Variants in WASF2 observed in about 807,000 individuals in gnomAD.
The protein encoded by WASF2 is WASP family member 2, also known as actin-binding protein WASF2.
A neutral mutation model predicts 45.0 loss-of-function variants in WASF2; 14 were observed. The ratio of observed to expected loss-of-function variants is 0.31; its 90% CI spans 0.21 to 0.49. WASF2 has a LOEUF of 0.49. WASF2 is among the 20% of genes least tolerant of loss of function. The pLI, the probability that WASF2 is intolerant of heterozygous loss-of-function variation, is 0.99. For missense variants in WASF2, 439 were observed against 636.1 expected, an observed-to-expected ratio of 0.69 and a Z score of 3.33; for synonymous variants, 200 against 236.3, an observed-to-expected ratio of 0.85 and a Z score of 1.41.
chr1:27,437,606 CA>C (rs1389022270), intron 1 of WASF2, among the ~76,000 whole-genome samples: 4 of 152,164 alleles, frequency 2.6e-5, no homozygotes, highest in African/African-American at 7.2e-5. Flanking sequence ...CAGTTACAGA[CA>C]AAGTTCATTT....
At chr1:27,483,804 T>C (rs2017886714) in intron 1 of WASF2, among the ~76,000 whole-genome samples, 1 of 151,544 alleles carries the variant, frequency 6.6e-6, no homozygotes, top group East Asian at 1.9e-4. Flanking sequence ...ATTTAACAAA[T>C]TGGGTGGGCA....
At chr1:27,409,613 C>T (rs1166715261) in intron 8 of WASF2, 79 bp downstream of exon 8, 1 of 1,387,600 alleles carries the variant, frequency 7.2e-7, no homozygotes, top group African/African-American at 1.5e-5. Flanking sequence ...ACAGGGACCC[C>T]CTCACCCATC....
chr1:27,409,659 C>G (rs368807040), intron 8 of WASF2, 33 bp downstream of exon 8: 4 of 1,431,424 alleles, frequency 2.8e-6, no homozygotes, highest in Non-Finnish European at 2.8e-6. Context: ...AAAGACAAGG[C>G]TCCACAGTCC....
chr1:27,448,120 A>G lies in WASF2; in HGVS notation c.-43-19187T>C, dbSNP rs940407476. 1.8e-4 allele frequency among the ~76,000 whole-genome samples: 27 copies of G among 152,350 alleles called. 1 individual carries two copies. In the Middle Eastern group the frequency reaches 0.01, roughly 58 times the overall value. ...CTGACCTCTTGGCAGCAAATGTAAG[A>G]AAGTCCTTTTTTGAGCCTTAGGGGC... On this transcript the variant is annotated intron_variant, in intron 1 of 8. Transcript: ENST00000618852.
At chr1:27,413,226 G>A (rs2016788215) in intron 6 of WASF2, among the ~76,000 whole-genome samples, 1 of 152,162 alleles carries the variant, frequency 6.6e-6, no homozygotes. Context: ...GATGAATGCA[G>A]GGTGCTATGT....
chr1:27,433,125 T>C (rs2017088778), intron 1 of WASF2, among the ~76,000 whole-genome samples: 1 of 152,192 alleles, frequency 6.6e-6, no homozygotes, highest in African/African-American at 2.4e-5. Flanking sequence ...TGGAATGCAA[T>C]ATTTACATTA....
At chr1:27,421,203 G>C (rs1411770347) in intron 2 of WASF2, among the ~76,000 whole-genome samples, 1 of 152,200 alleles carries the variant, frequency 6.6e-6, no homozygotes, top group Non-Finnish European at 1.5e-5. Context: ...TGGCTGACAA[G>C]CATTTCTACT....
At chr1:27,484,987 T>C (rs1487483719) in intron 1 of WASF2, among the ~76,000 whole-genome samples, 1 of 151,152 alleles carries the variant, frequency 6.6e-6, no homozygotes, top group African/African-American at 2.4e-5. Flanking sequence ...CCGTCTCTAC[T>C]AAAAATACAA....
chr1:27,438,239 G>A (rs576064552), intron 1 of WASF2, among the ~76,000 whole-genome samples: 1 of 152,186 alleles, frequency 6.6e-6, no homozygotes, highest in Non-Finnish European at 1.5e-5. Context: ...GGAGAAGATG[G>A]GGCTAGACTG....
At chr1:27,420,772 C>T (rs2016898187) in intron 2 of WASF2, among the ~76,000 whole-genome samples, 1 of 152,080 alleles carries the variant, frequency 6.6e-6, no homozygotes. Flanking sequence ...ATCTGCCCAC[C>T]TCAGCCTCCC....
At chr1:27,409,285 C>T (rs983859115) in intron 8 of WASF2, among the ~76,000 whole-genome samples, 7 of 151,430 alleles carry the variant, frequency 4.6e-5, no homozygotes, top group East Asian at 3.9e-4. Context: ...ATTAGCCGGG[C>T]GTGGTGGCAG....
chr1:27,463,807 T>A (rs112627742), intron 1 of WASF2, among the ~76,000 whole-genome samples: 5,981 of 143,632 alleles, frequency 0.042, 241 homozygotes, highest in African/African-American at 0.11. Flanking sequence ...TATTATTATT[T>A]TTTTTTTTTT....
At chr1:27,452,565 C>T (rs905676828) in intron 1 of WASF2, among the ~76,000 whole-genome samples, 2 of 151,354 alleles carry the variant, frequency 1.3e-5, no homozygotes, top group Non-Finnish European at 2.9e-5. Flanking sequence ...GCCTGTAATC[C>T]CAGCACTTTG....
At chr1:27,448,823 AAGAG>A (rs1209471021) in intron 1 of WASF2, among the ~76,000 whole-genome samples, 1 of 150,160 alleles carries the variant, frequency 6.7e-6, no homozygotes, top group Non-Finnish European at 1.5e-5. Flanking sequence ...GCTTGGGTGA[AAGAG>A]AGAGACCTCA....
chr1:27,459,111 C>A (rs989123521), intron 1 of WASF2, among the ~76,000 whole-genome samples: 1 of 151,080 alleles, frequency 6.6e-6, no homozygotes, highest in Non-Finnish European at 1.5e-5. Context: ...GCAACAAGAG[C>A]GAGACTCCAT....
At chr1:27,469,317 A>G (rs745762546) in intron 1 of WASF2, among the ~76,000 whole-genome samples, 12 of 152,264 alleles carry the variant, frequency 7.9e-5, no homozygotes, top group Admixed American at 2.6e-4. Flanking sequence ...CCACATCTGT[A>G]TATGTTTGAA....
rs565533017 is a variant in WASF2 at position 27,484,806 on chromosome 1, T to C, written c.-44+5180A>G. Reference sequence around the variant, plus strand: ...CAGCCTGGATGACAGAGCGAGACTCTGTCTCAAAAAAAAAAAGAATACTCT... The same window carrying C: ...CAGCCTGGATGACAGAGCGAGACTCCGTCTCAAAAAAAAAAAGAATACTCT... On this transcript the variant is annotated intron_variant, in intron 1 of 8. Transcript: ENST00000618852. 6.8e-4 allele frequency among the ~76,000 whole-genome samples: 75 copies of C among 109,990 alleles called. 1 individual carries two copies. In the East Asian group the frequency reaches 0.019, roughly 28 times the overall value. The allele number at this position is 109,990 out of a possible 152,430, so 72.2% of individuals were successfully genotyped here. A position where few individuals can be genotyped will look rare whatever the true frequency, so the allele number is the denominator to read the frequency against.
chr1:27,459,578 A>G (rs1163700192), intron 1 of WASF2: 1 of 152,224 alleles, frequency 6.6e-6, no homozygotes, highest in East Asian at 1.9e-4. Flanking sequence ...AATATACATT[A>G]TTTTTAAAAA....
chr1:27,443,385 G>T (rs1158296785), intron 1 of WASF2, among the ~76,000 whole-genome samples: 1 of 151,554 alleles, frequency 6.6e-6, no homozygotes, highest in Non-Finnish European at 1.5e-5. Flanking sequence ...AGGCTGAGGT[G>T]GGTGGATCAC....
Sources: gnomAD v4.1 joint callset for allele counts (sites outside exome capture counted in the v4.1 genomes callset) on GRCh38, gnomAD v4.1.1 for gene constraint, MANE v1.5 for transcripts, NCBI Gene and HGNC (gene_info 2026-07-23, HGNC 2026-07-21) for gene names.